MYO18B: variants seen among roughly 807,000 people sequenced by gnomAD.
MYO18B encodes myosin XVIIIB.
Under a neutral mutation model 273.0 loss-of-function variants are expected in MYO18B, and 204 were observed. That is an observed-to-expected ratio of 0.75 (90% CI 0.67 to 0.84). The LOEUF is 0.84. MYO18B is among the 40% of genes least tolerant of loss of function. The pLI is 0.00. For missense variants in MYO18B, 3,212 were observed against 3,287.6 expected (o/e 0.98, Z 0.56); for synonymous variants, 1,330 against 1,305.7 (o/e 1.02, Z -0.40).
intron 12 of MYO18B, among the ~76,000 whole-genome samples, chr22:25,814,317 TTTTTTTTTTTTTTTTTTTTTG>T (rs1395245451): frequency 2.7e-5 from 3 of 111,652 alleles, no homozygotes; most frequent in Admixed American, 8.6e-5. Flanking sequence ...TTTTTTTTTT[TTTTTTTTTTTTTTTTTTTTTG>T]AGACAGAGTT....
chr22:25,951,150 G>A (rs979362879), intron 37 of MYO18B, among the ~76,000 whole-genome samples: 2 of 152,198 alleles, frequency 1.3e-5, no homozygotes, highest in African/African-American at 4.8e-5. Context: ...CCAGCCCACT[G>A]ACTCAGATGT....
rs774219601 is a variant in MYO18B at position 25,823,543 on chromosome 22, T to G, written c.2560T>G (p.Tyr854Asp). Reference protein sequence around the residue: ...KQFMRFEWANYAAEALGCEYE... With the variant: ...KQFMRFEWANDAAEALGCEYE... ...GTTCATGAGGTTTGAGTGGGCAAAC[T>G]ACGCAGCTGAGGCCCTGGGCTGCGA... Residue 854 changes from tyrosine to aspartate, a missense_variant, in exon 13 of 44, where the codon TAC becomes GAC. Transcript: ENST00000335473. The G allele has an allele frequency of 2.9e-5, 46 of 1,613,832 alleles. 1 individual carries two copies. The South Asian group carries it at 5.1e-4, about 18-fold the overall frequency.
rs757780019 is a variant in MYO18B, at chr22:25,946,250, G to A, written c.5631G>A (p.Leu1877=). 7 of 1,566,528 alleles carry A rather than the reference G, an allele frequency of 4.5e-6. No individual in the cohort carries two copies. The highest frequency in any genetic ancestry group is 6.1e-6 in the Non-Finnish European group (7 of 1,156,938). ...AGAACATGACGCGGAACAAGAGCCT[G>A]GTACCTGTCCCTTCCTGCAGCTGCA... ...ELENMTRNKS[L]VDEQLYRLQF... The change falls in exon 35 of 44, where the codon CTG becomes CTA. Residue 1877 remains leucine (L), a splice_region_variant and synonymous_variant. Transcript: ENST00000335473.
intron 12 of MYO18B, among the ~76,000 whole-genome samples, chr22:25,803,408 T>A (rs73879547): frequency 0.015 from 2,276 of 152,272 alleles, 53 homozygotes; most frequent in African/African-American, 0.051. Context: ...GACCAGTTTT[T>A]TTTTTCTTTT....
chr22:25,876,482 C>A, intron 24 of MYO18B, 150 bp downstream of exon 24: 2 of 843,200 alleles, frequency 2.4e-6, no homozygotes, highest in Non-Finnish European at 3.5e-6. Flanking sequence ...CCAGATGTTC[C>A]TCTGCCTCCA....
intron 3 of MYO18B, among the ~76,000 whole-genome samples, chr22:25,765,857 C>T (rs2086486658): frequency 6.6e-6 from 1 of 152,198 alleles, no homozygotes; most frequent in Non-Finnish European, 1.5e-5. Flanking sequence ...AAAAATAAGG[C>T]ACTGACTTAC....
At position 25,898,481 on chromosome 22, in the gene MYO18B, A is replaced by G. The variant is rs2091860356; in HGVS notation, c.4823+20A>G. 4 of 1,611,168 alleles carry G rather than the reference A, an allele frequency of 2.5e-6. No individual in the cohort carries two copies. The African/African-American group carries it at 4.0e-5, about 16-fold the overall frequency. On this transcript the variant is annotated intron_variant, in intron 29 of 43. Coordinates refer to ENST00000335473, the MANE Select transcript of MYO18B (RefSeq NM_032608.7). ...GAAGAAGTGAGTTGCATCTCTCACC[A>G]TCACCTGGGCTGCCAGGGTGGGCTA...
chr22:25,752,669 T>A (rs575875194), intron 1 of MYO18B, among the ~76,000 whole-genome samples: 276 of 148,728 alleles, frequency 1.9e-3, no homozygotes, highest in Non-Finnish European at 3.1e-3. Flanking sequence ...TAAAAAAAAA[T>A]TTTTTTAGAC....
Position 25,828,929 on chromosome 22 carries a change from C to G in MYO18B, c.2940C>G (p.Tyr980Ter). 1 of 1,614,026 alleles carries G rather than the reference C, an allele frequency of 6.2e-7. No homozygotes were observed. Among genetic ancestry groups the G allele is most frequent in the Middle Eastern group, 1.6e-4 (1 of 6,062 alleles). ...YAHERLQLLF[Y>*]QRTFVSTLQR... is the part of the protein sequence containing the mutation. ...ATGAGCGCCTGCAGCTGCTGTTCTA[C>G]CAGCGGACCTTTGTCTCCACGCTAC... Residue 980 changes from tyrosine to a stop codon, truncating the protein, a stop_gained, in exon 15 of 44, where the codon TAC becomes TAG. Transcript: ENST00000335473. LOFTEE classifies it high-confidence loss of function.
intron 34 of MYO18B, among the ~76,000 whole-genome samples, chr22:25,929,558 A>G (rs943940687): frequency 6.6e-6 from 1 of 152,106 alleles, no homozygotes; most frequent in Admixed American, 6.5e-5. Flanking sequence ...CTCTCCCCCT[A>G]TTTGATTCAT....
intron 39 of MYO18B, among the ~76,000 whole-genome samples, chr22:25,955,770 C>G (rs921385807): frequency 6.6e-6 from 1 of 152,152 alleles, no homozygotes; most frequent in Non-Finnish European, 1.5e-5. Flanking sequence ...CATGTCAGCC[C>G]TGTGAAGTCA....
chr22:25,764,911 A>G (rs939241211), intron 3 of MYO18B, among the ~76,000 whole-genome samples: 2 of 151,620 alleles, frequency 1.3e-5, no homozygotes, highest in Admixed American at 1.3e-4. Flanking sequence ...GATTTTCCCA[A>G]GGTCATCAGA....
chr22:26,052,849 C>A, the MYO18B span, among the ~76,000 whole-genome samples: 13 of 148,678 alleles, frequency 8.7e-5, no homozygotes, highest in African/African-American at 1.3e-4. Flanking sequence ...GTCGCTCAGG[C>A]TGGAGTGCAG....
chr22:25,784,260 A>G (rs1279895950), intron 10 of MYO18B, among the ~76,000 whole-genome samples: 1 of 152,232 alleles, frequency 6.6e-6, no homozygotes, highest in Admixed American at 6.5e-5. Context: ...GCTTGGCACC[A>G]GGTAGATGCT....
At chr22:25,997,507 C>T (rs1315611460) in intron 40 of MYO18B, among the ~76,000 whole-genome samples, 1 of 152,006 alleles carries the variant, frequency 6.6e-6, no homozygotes, top group Non-Finnish European at 1.5e-5. Flanking sequence ...CTCAGCAGGC[C>T]TTGATCCTAA....
chr22:26,025,401 A>G (rs574933933), intron 42 of MYO18B, among the ~76,000 whole-genome samples: 1 of 152,094 alleles, frequency 6.6e-6, no homozygotes, highest in Non-Finnish European at 1.5e-5. Context: ...GCAGAATCTC[A>G]GTCACCCTTT....
intron 21 of MYO18B, among the ~76,000 whole-genome samples, chr22:25,853,997 A>C (rs2090496933): frequency 6.6e-6 from 1 of 152,202 alleles, no homozygotes; most frequent in Admixed American, 6.5e-5. Context: ...TGGGTGGGCA[A>C]ACTATCAGTT....
intron 29 of MYO18B, among the ~76,000 whole-genome samples, chr22:25,900,099 C>G (rs1282184313): frequency 1.3e-5 from 2 of 152,146 alleles, no homozygotes; most frequent in Non-Finnish European, 2.9e-5. Context: ...TCCCTCATTC[C>G]AGGCACTTAT....
intron 34 of MYO18B, among the ~76,000 whole-genome samples, chr22:25,925,971 C>T (rs188288514): frequency 4.7e-5 from 7 of 148,270 alleles, no homozygotes; most frequent in South Asian, 2.2e-4. Flanking sequence ...TTTGGGAGGC[C>T]GAGGAGGGTG....
Sources: gnomAD v4.1 joint callset for allele counts (sites outside exome capture counted in the v4.1 genomes callset) on GRCh38, gnomAD v4.1.1 for gene constraint, MANE v1.5 for transcripts, NCBI Gene and HGNC (gene_info 2026-07-23, HGNC 2026-07-21) for gene names.